The following CPA6 variants were observed in gnomAD, a reference collection of about 807,000 sequenced individuals.
The protein encoded by CPA6 is carboxypeptidase B.
In CPA6, 58 loss-of-function variants were observed where a neutral mutation model predicts 63.3. The ratio of observed to expected loss-of-function variants is 0.92; its 90% CI spans 0.74 to 1.14. The LOEUF (loss-of-function observed/expected upper bound fraction) is 1.14, where lower values mean the gene tolerates loss of function less well. Among genes scored for constraint, CPA6 ranks in the 50% most tolerant of loss-of-function variants. CPA6 has a pLI of 0.00. For synonymous variants in CPA6, 185 were observed against 179.0 expected, an observed-to-expected ratio of 1.03 and a Z score of -0.27; for missense variants, 565 against 526.6, an observed-to-expected ratio of 1.07 and a Z score of -0.71.
chr8:67,664,060 T>C (rs1302568909), intron 1 of CPA6, among the ~76,000 whole-genome samples: 2 of 152,190 alleles, frequency 1.3e-5, no homozygotes, highest in Non-Finnish European at 2.9e-5. Flanking sequence ...AAATGAAGGT[T>C]CTCATTTTAA....
chr8:67,466,427 T>C (rs977011980), intron 8 of CPA6, among the ~76,000 whole-genome samples: 4 of 152,150 alleles, frequency 2.6e-5, no homozygotes, highest in African/African-American at 9.7e-5. Flanking sequence ...GTTTTGCTTG[T>C]TGTTTGTATG....
chr8:67,673,379 TATTTA>T (rs1380454886), intron 1 of CPA6, among the ~76,000 whole-genome samples: 8 of 131,850 alleles, frequency 6.1e-5, no homozygotes, highest in African/African-American at 2.8e-4. Flanking sequence ...TTATTATTAT[TATTTA>T]TTTATTTTTT....
chr8:67,531,201 G>C (rs372568396), intron 2 of CPA6, among the ~76,000 whole-genome samples: 1 of 151,834 alleles, frequency 6.6e-6, no homozygotes, highest in Non-Finnish European at 1.5e-5. Flanking sequence ...ACAGGGGAAG[G>C]GTAAAGGGAC....
chr8:67,516,699 T>C (rs1301897511), intron 3 of CPA6, among the ~76,000 whole-genome samples: 1 of 152,234 alleles, frequency 6.6e-6, no homozygotes, highest in Non-Finnish European at 1.5e-5. Context: ...CTTTTATTGC[T>C]GGATATCACT....
chr8:67,578,043 G>A (rs971148310), intron 2 of CPA6, among the ~76,000 whole-genome samples: 4 of 152,134 alleles, frequency 2.6e-5, no homozygotes, highest in Admixed American at 6.5e-5. Flanking sequence ...ACATTTTCAT[G>A]TGTCACAAAA....
intron 1 of CPA6, among the ~76,000 whole-genome samples, chr8:67,709,661 T>C (rs1307497612): frequency 6.6e-6 from 1 of 152,088 alleles, no homozygotes; most frequent in Non-Finnish European, 1.5e-5. Flanking sequence ...GAACCTGAAG[T>C]GGTCAGGTCA....
chr8:67,505,245 G>T lies in CPA6; in HGVS notation c.636+1542C>A, dbSNP rs567157379. On this transcript the variant is annotated intron_variant, in intron 6 of 10. Coordinates refer to ENST00000297770, the MANE Select transcript of CPA6 (RefSeq NM_020361.5). ...CATTTCAGTGCATTAACAAATATTT[G>T]AACACCTATTAAGTGCCAAGTGTTG... 1.4e-4 allele frequency among the ~76,000 whole-genome samples: 21 copies of T among 152,236 alleles called. No homozygotes were observed. The South Asian group carries it at 4.4e-3, about 32-fold the overall frequency.
intron 1 of CPA6, chr8:67,735,472 T>C (rs557383234): frequency 4.3e-4 from 66 of 152,314 alleles, no homozygotes; most frequent in African/African-American, 1.5e-3. Context: ...AAGAAGACAC[T>C]AAGATGCTTT....
At chr8:67,717,869 C>T (rs1012920731) in intron 1 of CPA6, among the ~76,000 whole-genome samples, 2 of 152,048 alleles carry the variant, frequency 1.3e-5, no homozygotes, top group African/African-American at 4.8e-5. Flanking sequence ...CTGGCTGTTA[C>T]CAGAAGGTGG....
At chr8:67,733,232 A>AAAAAAT (rs1817748590) in intron 1 of CPA6, among the ~76,000 whole-genome samples, 1 of 139,510 alleles carries the variant, frequency 7.2e-6, no homozygotes. Flanking sequence ...AAATAAAAAA[A>AAAAAAT]TTTAGCGTCT....
chr8:67,500,946 C>G (rs955972066), intron 6 of CPA6, among the ~76,000 whole-genome samples: 4 of 152,014 alleles, frequency 2.6e-5, no homozygotes, highest in Admixed American at 6.6e-5. Flanking sequence ...CAATACCACA[C>G]ACTCTTAATT....
chr8:67,626,438 T>C (rs1008692989), intron 1 of CPA6, among the ~76,000 whole-genome samples: 2 of 152,182 alleles, frequency 1.3e-5, no homozygotes, highest in Non-Finnish European at 2.9e-5. Flanking sequence ...TACTGTTTTA[T>C]GGACTGCTAC....
At chr8:67,525,185 T>A (rs531692680) in intron 2 of CPA6, among the ~76,000 whole-genome samples, 18 of 152,310 alleles carry the variant, frequency 1.2e-4, no homozygotes, top group African/African-American at 4.3e-4. Flanking sequence ...TAATTTTACA[T>A]AGGCCCATCC....
intron 2 of CPA6, among the ~76,000 whole-genome samples, chr8:67,595,421 CA>C: frequency 6.6e-6 from 1 of 152,342 alleles, no homozygotes; most frequent in East Asian, 1.9e-4. Flanking sequence ...AGCTGTCAGA[CA>C]GGGACATTTT....
intron 2 of CPA6, among the ~76,000 whole-genome samples, chr8:67,521,775 A>G (rs1278293203): frequency 6.6e-6 from 1 of 152,198 alleles, no homozygotes; most frequent in Non-Finnish European, 1.5e-5. Flanking sequence ...AAAGTTTCCT[A>G]GCACAAAGTC....
At chr8:67,603,728 T>G (rs1205726371) in intron 2 of CPA6, among the ~76,000 whole-genome samples, 1 of 152,212 alleles carries the variant, frequency 6.6e-6, no homozygotes, top group Admixed American at 6.5e-5. Context: ...CCCATCTACC[T>G]TCCTTTTGAG....
At chr8:67,633,638 G>A (rs1020429954) in intron 1 of CPA6, among the ~76,000 whole-genome samples, 1 of 142,524 alleles carries the variant, frequency 7.0e-6, no homozygotes, top group East Asian at 2.1e-4. Flanking sequence ...CAGAGATCGC[G>A]CCACTGCACT....
chr8:67,607,137 C>T lies in CPA6; in HGVS notation c.192+17039G>A, dbSNP rs968519459. On this transcript the variant is annotated intron_variant, in intron 2 of 10. Coordinates refer to ENST00000297770, the MANE Select transcript of CPA6 (RefSeq NM_020361.5). ...CTCCTCCTCCTCCTCCTCCTCCTCC[C>T]CCTCCTCCCCCCCCTCCTCTTCTTC... Among the ~76,000 whole-genome samples, 276 of 28,222 alleles carry T rather than the reference C, an allele frequency of 9.8e-3. 4 individuals are homozygous for T. The highest frequency in any genetic ancestry group is 0.025 in the African/African-American group (69 of 2,776). 18.5% of individuals were successfully genotyped at this position (28,222 alleles called of 152,430 possible). A position where few individuals can be genotyped will look rare whatever the true frequency, so the allele number is the denominator to read the frequency against.
chr8:67,475,164 A>G (rs1285906763), intron 8 of CPA6, among the ~76,000 whole-genome samples: 2 of 152,256 alleles, frequency 1.3e-5, no homozygotes, highest in African/African-American at 4.8e-5. Context: ...CTGTGATACT[A>G]TTGTTGTGAC....
Sources: allele counts gnomAD v4.1 joint callset (sites outside exome capture counted in the v4.1 genomes callset), GRCh38; gene constraint gnomAD v4.1.1; transcripts MANE v1.5; gene names NCBI Gene and HGNC (gene_info 2026-07-23, HGNC 2026-07-21).